Variants in SYN3 observed in about 807,000 individuals in gnomAD.
SYN3 encodes the protein synapsin-3.
Under a neutral mutation model 65.8 loss-of-function variants are expected in SYN3, and 35 were observed. That is an observed-to-expected ratio of 0.53 (90% CI 0.41 to 0.70). SYN3 has a LOEUF of 0.70. Among genes scored for constraint, SYN3 ranks in the 30% least tolerant of loss-of-function variants. SYN3 has a pLI of 0.00. For missense variants in SYN3, 680 were observed against 749.0 expected (o/e 0.91, Z 1.08); for synonymous variants, 270 against 292.9 (o/e 0.92, Z 0.80).
intron 4 of SYN3, among the ~76,000 whole-genome samples, chr22:32,917,891 C>A (rs1017713886): frequency 6.6e-6 from 1 of 152,236 alleles, no homozygotes; most frequent in Non-Finnish European, 1.5e-5. Flanking sequence ...TCTGCAAGTC[C>A]CCAGGGATCC....
intron 1 of SYN3, among the ~76,000 whole-genome samples, chr22:33,011,884 CTTATGA>C (rs1319521559): frequency 6.6e-6 from 1 of 152,114 alleles, no homozygotes; most frequent in African/African-American, 2.4e-5. Context: ...TCTGTAGGAT[CTTATGA>C]TTCCTCCTGA....
At chr22:32,650,267 C>T (rs2413132) in intron 6 of SYN3, among the ~76,000 whole-genome samples, 14 of 117,582 alleles carry the variant, frequency 1.2e-4, no homozygotes, top group African/African-American at 2.9e-4. Flanking sequence ...CCCTCTCTCT[C>T]TCTCTCTCTT....
At chr22:32,861,526 G>C (rs2048537469) in intron 6 of SYN3, 1 of 152,380 alleles carries the variant, frequency 6.6e-6, no homozygotes, top group Admixed American at 6.5e-5. Context: ...CCTCCCACAA[G>C]TGGACATCAG....
At chr22:33,031,947 G>A (rs758576681) in intron 1 of SYN3, among the ~76,000 whole-genome samples, 25 of 152,232 alleles carry the variant, frequency 1.6e-4, no homozygotes, top group Middle Eastern at 3.4e-3. Flanking sequence ...GGAGGATCAC[G>A]CCTGTCATCC....
intron 6 of SYN3, among the ~76,000 whole-genome samples, chr22:32,742,752 C>T (rs978357693): frequency 6.6e-6 from 1 of 152,150 alleles, no homozygotes; most frequent in African/African-American, 2.4e-5. Flanking sequence ...CTTGTTTTCT[C>T]CTCAGCAACC....
intron 6 of SYN3, among the ~76,000 whole-genome samples, chr22:32,817,668 C>G: frequency 6.6e-6 from 1 of 152,206 alleles, no homozygotes; most frequent in East Asian, 1.9e-4. Context: ...TTCCTGTGGT[C>G]ATGACTTGTT....
At chr22:32,791,592 C>T (rs566515430) in intron 6 of SYN3, among the ~76,000 whole-genome samples, 54 of 151,262 alleles carry the variant, frequency 3.6e-4, no homozygotes, top group South Asian at 1.0e-3. Context: ...ATTTTCCAAA[C>T]GCTCGCCTTC....
At chr22:32,781,141 T>C (rs991270128) in intron 6 of SYN3, among the ~76,000 whole-genome samples, 5 of 140,638 alleles carry the variant, frequency 3.6e-5, no homozygotes, top group Admixed American at 7.7e-5. Context: ...CAAATCCTTT[T>C]AAATTGTATA....
At chr22:32,890,072 CTTTTTTTT>C (rs5845051) in intron 4 of SYN3, among the ~76,000 whole-genome samples, 3 of 58,282 alleles carry the variant, frequency 5.1e-5, no homozygotes, top group African/African-American at 1.4e-4. Context: ...GATTTAGCTG[CTTTTTTTT>C]TTTTTTTTTT....
intron 3 of SYN3, among the ~76,000 whole-genome samples, chr22:32,940,569 AT>A (rs2050907794): frequency 6.6e-6 from 1 of 152,108 alleles, no homozygotes; most frequent in Non-Finnish European, 1.5e-5. Context: ...CGAAGGTTCA[AT>A]TTTTTTCATA....
At chr22:32,728,851 C>T (rs1451795276) in intron 6 of SYN3, among the ~76,000 whole-genome samples, 2 of 152,092 alleles carry the variant, frequency 1.3e-5, no homozygotes, top group African/African-American at 2.4e-5. Context: ...CCTGGGGGTG[C>T]GGTGGGTAGT....
chr22:33,030,421 G>A lies in SYN3; in HGVS notation c.-162-23597C>T, dbSNP rs147558240. On this transcript the variant is annotated intron_variant, in intron 1 of 13. Transcript: ENST00000358763. ...GAGGAAGCTATTGACAGGGGAGGGAGAGCCAGATACATAGAGACAGAGAAG... is the reference window on the plus strand; with the variant it reads ...GAGGAAGCTATTGACAGGGGAGGGAAAGCCAGATACATAGAGACAGAGAAG... Among the ~76,000 whole-genome samples the A allele has an allele frequency of 1.2e-4, 18 of 152,306 alleles. No individual in the cohort carries two copies. In the East Asian group the frequency reaches 2.9e-3, roughly 25 times the overall value.
intron 6 of SYN3, among the ~76,000 whole-genome samples, chr22:32,700,548 T>C (rs1353950675): frequency 6.6e-6 from 1 of 151,968 alleles, no homozygotes; most frequent in Non-Finnish European, 1.5e-5. Flanking sequence ...CTCAGAAACA[T>C]GAAAAAAGGA....
chr22:33,001,775 G>A (rs2053066238), intron 2 of SYN3, among the ~76,000 whole-genome samples: 1 of 152,090 alleles, frequency 6.6e-6, no homozygotes, highest in Non-Finnish European at 1.5e-5. Context: ...TCCCATTTAG[G>A]TGCAGTAATT....
At chr22:32,982,762 T>G (rs761052986) in intron 2 of SYN3, among the ~76,000 whole-genome samples, 1 of 152,184 alleles carries the variant, frequency 6.6e-6, no homozygotes, top group Non-Finnish European at 1.5e-5. Context: ...CATGAGTGAA[T>G]GGACTGATGA....
intron 10 of SYN3, among the ~76,000 whole-genome samples, chr22:32,531,217 C>T (rs1416371374): frequency 2.0e-5 from 3 of 148,534 alleles, no homozygotes; most frequent in Non-Finnish European, 3.0e-5. Flanking sequence ...CTGAGCTCTG[C>T]GCAGGTCGTA....
chr22:32,969,525 G>C (rs1017745354), intron 3 of SYN3, among the ~76,000 whole-genome samples: 3 of 152,134 alleles, frequency 2.0e-5, no homozygotes, highest in Non-Finnish European at 2.9e-5. Context: ...CATCAGAAGG[G>C]ACTAATGGCT....
At chr22:32,862,381 C>A (rs534327408) in intron 6 of SYN3, 2 of 152,354 alleles carry the variant, frequency 1.3e-5, no homozygotes, top group South Asian at 4.2e-4. Flanking sequence ...CTTTTACCCT[C>A]CCCTCGTTCC....
intron 8 of SYN3, among the ~76,000 whole-genome samples, chr22:32,541,144 G>C (rs2058247227): frequency 1.3e-5 from 2 of 152,170 alleles, no homozygotes; most frequent in Non-Finnish European, 2.9e-5. Context: ...ATTGGCTTCA[G>C]AGAAACCGTT....
Sources: gnomAD v4.1 joint callset for allele counts (sites outside exome capture counted in the v4.1 genomes callset) on GRCh38, gnomAD v4.1.1 for gene constraint, MANE v1.5 for transcripts, NCBI Gene and HGNC (gene_info 2026-07-23, HGNC 2026-07-21) for gene names.